Variants in NUMA1 observed in about 807,000 individuals in gnomAD.
The protein encoded by NUMA1 is SP-H antigen.
A neutral mutation model predicts 237.1 loss-of-function variants in NUMA1; 62 were observed. That is an observed-to-expected ratio of 0.26 (90% CI 0.21 to 0.32). NUMA1 has a LOEUF of 0.32. NUMA1 is among the 10% of genes least tolerant of loss of function. The pLI, the probability that NUMA1 is intolerant of heterozygous loss-of-function variation, is 1.00. For synonymous variants in NUMA1, 1,028 were observed against 1,066.1 expected (o/e 0.96, Z 0.70); for missense variants, 2,533 against 2,666.5 (o/e 0.95, Z 1.10).
chr11:72,051,804 T>C (rs1487920803), intron 2 of NUMA1, among the ~76,000 whole-genome samples: 1 of 152,076 alleles, frequency 6.6e-6, no homozygotes, highest in Non-Finnish European at 1.5e-5. Context: ...TTTATAATCT[T>C]GTAGAGGAAG....
chr11:72,007,154 T>C (rs1955779004), intron 21 of NUMA1, 35 bp downstream of exon 21: 3 of 1,599,382 alleles, frequency 1.9e-6, no homozygotes, highest in African/African-American at 1.3e-5. Context: ...GAAGTGGGAA[T>C]TGCTGCCCTG....
In NUMA1 at chr11:72,013,228, C is replaced by T; in HGVS notation, c.4275G>A (p.Gln1425=). 1 of 1,608,296 alleles carries T rather than the reference C, an allele frequency of 6.2e-7. No homozygotes were observed. Among genetic ancestry groups the T allele is most frequent in the Non-Finnish European group, 8.5e-7 (1 of 1,179,966 alleles). The part of the protein sequence containing the change: ...KVAEQERTAQ[Q]LRAEKASYAE... ...CATAGCTGGCCTTCTCTGCCCGCAG[C>T]TGCTGAGCTGTTCGCTCCTGCTCTG... The change falls in exon 15 of 27, where the codon CAG becomes CAA. Residue 1425 remains glutamine, a synonymous_variant. Transcript: ENST00000393695. This position sits in a 1 kb window ranked among gnomAD's most constrained non-coding sequence, Gnocchi z 6.8.
intron 2 of NUMA1, chr11:72,065,626 C>A (rs553023451): frequency 3.3e-5 from 5 of 152,110 alleles, no homozygotes; most frequent in Non-Finnish European, 7.4e-5. Flanking sequence ...TACTTCTCTG[C>A]GTTTTTCACA....
chr11:72,024,455 G>T, intron 4 of NUMA1, 102 bp from the exon 5 acceptor site: 1 of 1,036,392 alleles, frequency 9.6e-7, no homozygotes. Context: ...CTTGATCTCT[G>T]CTGGATCTGG....
intron 2 of NUMA1, among the ~76,000 whole-genome samples, chr11:72,056,662 G>GAAAAAAAAAAAA (rs1942671179): frequency 2.0e-5 from 1 of 51,028 alleles, no homozygotes; most frequent in Non-Finnish European, 4.5e-5. Context: ...AAAAAAAAAG[G>GAAAAAAAAAAAA]CAAGCCAAAC....
chr11:72,077,433 C>T (rs552304255), intron 1 of NUMA1, among the ~76,000 whole-genome samples: 2 of 152,180 alleles, frequency 1.3e-5, no homozygotes, highest in South Asian at 2.1e-4. Context: ...AGAGTAACAA[C>T]AAAAAGCCAG....
intron 1 of NUMA1, among the ~76,000 whole-genome samples, chr11:72,071,262 A>C (rs1214427166): frequency 2.0e-5 from 3 of 151,472 alleles, no homozygotes; most frequent in Non-Finnish European, 4.4e-5. Flanking sequence ...TATAGATTAG[A>C]CAACACAAAT....
intron 2 of NUMA1, among the ~76,000 whole-genome samples, chr11:72,048,589 G>T (rs1015765491): frequency 6.6e-6 from 1 of 151,974 alleles, no homozygotes; most frequent in Non-Finnish European, 1.5e-5. Flanking sequence ...GCCAGGCTGG[G>T]CTTGAACTCC....
At chr11:72,064,787 C>A (rs573853025) in intron 2 of NUMA1, among the ~76,000 whole-genome samples, 2 of 152,234 alleles carry the variant, frequency 1.3e-5, no homozygotes, top group African/African-American at 4.8e-5. Context: ...GAGCTGTGAT[C>A]GTACCACTGC....
chr11:72,025,182 G>A (rs896451178), intron 4 of NUMA1, among the ~76,000 whole-genome samples: 3 of 152,184 alleles, frequency 2.0e-5, no homozygotes, highest in Admixed American at 6.5e-5. Flanking sequence ...GAGCCACTGC[G>A]CCCAGCTAGG....
intron 1 of NUMA1, among the ~76,000 whole-genome samples, chr11:72,078,503 C>G (rs1943822551): frequency 6.6e-6 from 1 of 152,250 alleles, no homozygotes; most frequent in South Asian, 2.1e-4. Context: ...GGGCTTTGCC[C>G]TCATCCTAAA....
chr11:72,061,926 A>G (rs945842641), intron 2 of NUMA1, among the ~76,000 whole-genome samples: 5 of 152,030 alleles, frequency 3.3e-5, no homozygotes, highest in Non-Finnish European at 7.4e-5. Flanking sequence ...ACACACATAC[A>G]CATCACACCA....
intron 1 of NUMA1, among the ~76,000 whole-genome samples, chr11:72,071,338 CATCA>C (rs779881224): frequency 2.6e-5 from 4 of 152,184 alleles, no homozygotes; most frequent in Admixed American, 6.5e-5. Context: ...GTGTCAGCCT[CATCA>C]ATCAAACTAT....
intron 2 of NUMA1, among the ~76,000 whole-genome samples, chr11:72,046,058 G>C (rs535894752): frequency 6.6e-6 from 1 of 152,278 alleles, no homozygotes; most frequent in South Asian, 2.1e-4. Context: ...AAGTTTCTGG[G>C]CCAGCTCTTC....
intron 17 of NUMA1, 45 bp downstream of exon 17, chr11:72,010,741 C>T (rs1296089047): frequency 2.5e-6 from 4 of 1,586,182 alleles, no homozygotes; most frequent in South Asian, 1.1e-5. Flanking sequence ...AGAATAGCTT[C>T]CCTCCCTTGT....
chr11:72,072,535 C>G (rs971221672), intron 1 of NUMA1, among the ~76,000 whole-genome samples: 2 of 152,192 alleles, frequency 1.3e-5, no homozygotes, highest in Non-Finnish European at 2.9e-5. Flanking sequence ...GGCGACACAG[C>G]TGCCAACAGA....
In NUMA1 at chr11:72,003,296, T is replaced by C; in HGVS notation, c.*231A>G. 1.8e-6 allele frequency: 1 copy of C among 556,636 alleles called. No individual in the cohort carries two copies. Among genetic ancestry groups the C allele is most frequent in the Non-Finnish European group, 3.2e-6 (1 of 309,942 alleles). 34.5% of individuals were successfully genotyped at this position (556,636 alleles called of 1,614,324 possible). A position where few individuals can be genotyped will look rare whatever the true frequency, so the allele number is the denominator to read the frequency against. On this transcript the variant is annotated 3_prime_UTR_variant, in exon 27 of 27. Transcript: ENST00000393695. ...TGCTTTAAGAAAAAAGGAGGCAAGG[T>C]AGGGAGAGCGCCCACACTGTCCATG...
intron 1 of NUMA1, among the ~76,000 whole-genome samples, chr11:72,070,951 T>A (rs1269188846): frequency 6.6e-6 from 1 of 152,198 alleles, no homozygotes; most frequent in Non-Finnish European, 1.5e-5. Flanking sequence ...TTCCCCAAGG[T>A]TAGGTAACTG....
At chr11:72,017,881 A>C (rs990536530) in intron 12 of NUMA1, 54 bp from the exon 13 acceptor site, 21 of 1,571,262 alleles carry the variant, frequency 1.3e-5, no homozygotes, top group Non-Finnish European at 1.8e-5. Context: ...TGACCCCACC[A>C]CTGCTGTCTG....
Sources: allele counts gnomAD v4.1 joint callset (sites outside exome capture counted in the v4.1 genomes callset), GRCh38; gene constraint gnomAD v4.1.1; non-coding constraint Gnocchi (gnomAD v3.1); transcripts MANE v1.5; gene names NCBI Gene and HGNC (gene_info 2026-07-23, HGNC 2026-07-21).